The following SMIM31 variants were observed in gnomAD, a reference collection of about 807,000 sequenced individuals.
SMIM31 encodes the protein human epithelial cell program regulator.
chr4:164,755,639 T>A (rs1285632191), intron 1 of SMIM31, among the ~76,000 whole-genome samples: 2 of 149,602 alleles, frequency 1.3e-5, no homozygotes, highest in Non-Finnish European at 3.0e-5. Context: ...AAATCTGAGC[T>A]GAAGTATTAT....
chr4:164,769,323 A>C (rs1732761873), intron 1 of SMIM31, among the ~76,000 whole-genome samples: 1 of 152,156 alleles, frequency 6.6e-6, no homozygotes, highest in Admixed American at 6.5e-5. Flanking sequence ...TTGAAAAAAG[A>C]CTAAGCTCTC....
At chr4:164,800,171 G>A (rs4377545) in intron 2 of SMIM31, among the ~76,000 whole-genome samples, 27,527 of 151,936 alleles carry the variant, frequency 0.18, 2,726 homozygotes, top group South Asian at 0.27. Flanking sequence ...AGGTTCCAGA[G>A]GACAGTCACA....
intron 2 of SMIM31, among the ~76,000 whole-genome samples, chr4:164,780,730 C>T (rs1359523710): frequency 6.6e-6 from 1 of 152,082 alleles, no homozygotes; most frequent in Non-Finnish European, 1.5e-5. Flanking sequence ...TTAGCCAAAA[C>T]CAGACAAACC....
At position 164,803,513 on chromosome 4, in the gene SMIM31, G is replaced by A. The variant is rs895099281; in HGVS notation, c.*2319G>A. 4.6e-5 allele frequency: 7 copies of A among 152,202 alleles called. No homozygotes were observed. The highest frequency in any genetic ancestry group is 1.7e-4 in the African/African-American group (7 of 41,452). 9.4% of individuals were successfully genotyped at this position (152,202 alleles called of 1,614,324 possible). A position where few individuals can be genotyped will look rare whatever the true frequency, so the allele number is the denominator to read the frequency against. ...ACATGTTTATGAAATAGCTGCAAAA[G>A]GCTGAGCGTGGTGGCTCACGTCTGA... On this transcript the variant is annotated 3_prime_UTR_variant, in exon 3 of 3. Transcript: ENST00000507311.
chr4:164,764,605 G>A (rs1447221123), intron 1 of SMIM31, among the ~76,000 whole-genome samples: 1 of 151,846 alleles, frequency 6.6e-6, no homozygotes, highest in Non-Finnish European at 1.5e-5. Flanking sequence ...AATGTGGTGG[G>A]TGCTGTTGTT....
chr4:164,758,534 C>T lies in SMIM31; in HGVS notation c.-26+4123C>T, dbSNP rs372983545. ...ATTAAATTGAGGAAGATCATTCCCA[C>T]CTTTCTGGGCATTTTTATCATGAAG... On this transcript the variant is annotated intron_variant, in intron 1 of 2. Coordinates refer to ENST00000507311, the MANE Select transcript of SMIM31 (RefSeq NM_001352885.1). Among the ~76,000 whole-genome samples, 12 of 151,890 alleles carry T rather than the reference C, an allele frequency of 7.9e-5. No individual in the cohort carries two copies. The East Asian group carries it at 1.7e-3, about 22-fold the overall frequency.
In SMIM31 at chr4:164,761,123, C is replaced by G. The variant is rs537680740; in HGVS notation, c.-26+6712C>G. On this transcript the variant is annotated intron_variant, in intron 1 of 2. Coordinates refer to ENST00000507311, the MANE Select transcript of SMIM31 (RefSeq NM_001352885.1). ...TTTGGTTATTCTTCCCATTTTGAAACCAACCATATTTTCAAATATAGTAGT... is the reference window on the plus strand; with the variant it reads ...TTTGGTTATTCTTCCCATTTTGAAAGCAACCATATTTTCAAATATAGTAGT... Among the ~76,000 whole-genome samples the G allele has an allele frequency of 9.9e-5, 15 of 152,226 alleles. No homozygotes were observed. The East Asian group carries it at 2.5e-3, about 25-fold the overall frequency.
intron 2 of SMIM31, among the ~76,000 whole-genome samples, chr4:164,795,166 G>A (rs1733172900): frequency 6.6e-6 from 1 of 152,188 alleles, no homozygotes. Flanking sequence ...AGAAAGTTCT[G>A]CATTCAAATC....
intron 1 of SMIM31, among the ~76,000 whole-genome samples, chr4:164,764,496 G>A (rs1256506580): frequency 6.6e-6 from 1 of 151,876 alleles, no homozygotes; most frequent in Non-Finnish European, 1.5e-5. Context: ...GAACCTGGGA[G>A]GCGGAGGTTG....
intron 1 of SMIM31, among the ~76,000 whole-genome samples, chr4:164,754,948 A>G (rs1732537606): frequency 6.6e-6 from 1 of 151,474 alleles, no homozygotes; most frequent in Admixed American, 6.6e-5. Flanking sequence ...ATATTTTTCT[A>G]TCATCAGATT....
At chr4:164,795,917 G>C (rs949797125) in intron 2 of SMIM31, among the ~76,000 whole-genome samples, 1 of 152,002 alleles carries the variant, frequency 6.6e-6, no homozygotes, top group Non-Finnish European at 1.5e-5. Flanking sequence ...CCTCCATTCG[G>C]CTTCTGATCA....
intron 1 of SMIM31, among the ~76,000 whole-genome samples, chr4:164,764,965 C>G (rs116762716): frequency 0.011 from 1,634 of 152,298 alleles, 28 homozygotes; most frequent in African/African-American, 0.036. Flanking sequence ...CAGTGAGTTC[C>G]TCATCACTAG....
rs1296126610 is a variant in SMIM31 at position 164,803,628 on chromosome 4, C to G, written c.*2434C>G. 1 of 151,862 alleles carries G rather than the reference C, an allele frequency of 6.6e-6. No homozygotes were observed. Among genetic ancestry groups the G allele is most frequent in the East Asian group, 2.0e-4 (1 of 5,108 alleles). The allele number at this position is 151,862 out of a possible 1,614,324, so 9.4% of individuals were successfully genotyped here. A position where few individuals can be genotyped will look rare whatever the true frequency, so the allele number is the denominator to read the frequency against. On this transcript the variant is annotated 3_prime_UTR_variant, in exon 3 of 3. Coordinates refer to ENST00000507311, the MANE Select transcript of SMIM31 (RefSeq NM_001352885.1). ...TGGCCAAGATGGTGAAACCTCCTCT[C>G]TACTAAAAATACAAAAATTAGCCAG...
At chr4:164,792,874 C>G (rs6536861) in intron 2 of SMIM31, among the ~76,000 whole-genome samples, 110,006 of 151,454 alleles carry the variant, frequency 0.73, 40,437 homozygotes, top group Non-Finnish European at 0.8. Flanking sequence ...CAAAACATTA[C>G]AAAGCCACAG....
Position 164,765,407 on chromosome 4 carries a change from G to T in SMIM31, c.-25-5012G>T, listed in dbSNP as rs995786786. Among the ~76,000 whole-genome samples the T allele has an allele frequency of 2.6e-5, 4 of 152,260 alleles. No homozygotes were observed. In the East Asian group the frequency reaches 7.7e-4, roughly 29 times the overall value. Reference sequence around the variant, plus strand: ...TGAATACATAATTCAGAAACCATATGCAGAGACTAATGAGCGTTGTTGGCA... The same window carrying T: ...TGAATACATAATTCAGAAACCATATTCAGAGACTAATGAGCGTTGTTGGCA... On this transcript the variant is annotated intron_variant, in intron 1 of 2. Coordinates refer to ENST00000507311, the MANE Select transcript of SMIM31 (RefSeq NM_001352885.1).
intron 1 of SMIM31, among the ~76,000 whole-genome samples, chr4:164,755,119 G>A (rs1313989301): frequency 1.3e-5 from 2 of 151,510 alleles, no homozygotes; most frequent in East Asian, 2.0e-4. Flanking sequence ...CATATTTTCA[G>A]CAGTAGAAAA....
At chr4:164,798,999 G>A (rs1733247727) in intron 2 of SMIM31, among the ~76,000 whole-genome samples, 1 of 152,116 alleles carries the variant, frequency 6.6e-6, no homozygotes, top group African/African-American at 2.4e-5. Context: ...ATGAGTAAAA[G>A]CTCCCTGAGG....
chr4:164,755,031 A>C (rs1732539167), intron 1 of SMIM31, among the ~76,000 whole-genome samples: 1 of 146,732 alleles, frequency 6.8e-6, no homozygotes, highest in Non-Finnish European at 1.5e-5. Context: ...CTTAAACTTA[A>C]AATAAATAAT....
At chr4:164,794,045 T>G (rs1166222086) in intron 2 of SMIM31, among the ~76,000 whole-genome samples, 1 of 152,076 alleles carries the variant, frequency 6.6e-6, no homozygotes, top group Non-Finnish European at 1.5e-5. Flanking sequence ...TACATCAAAC[T>G]TAAAGACTTG....
Sources: gnomAD v4.1 joint callset for allele counts (sites outside exome capture counted in the v4.1 genomes callset) on GRCh38, gnomAD v4.1.1 for gene constraint, MANE v1.5 for transcripts, NCBI Gene and HGNC (gene_info 2026-07-23, HGNC 2026-07-21) for gene names.